Variants in GRIK1 observed in about 807,000 individuals in gnomAD.
GRIK1 encodes the protein glutamate ionotropic receptor kainate type subunit 1.
In GRIK1, 69 loss-of-function variants were observed where a neutral mutation model predicts 105.7. The ratio of observed to expected loss-of-function variants is 0.65; its 90% CI spans 0.54 to 0.80. GRIK1 has a LOEUF of 0.80. GRIK1 is among the 30% of genes least tolerant of loss of function. GRIK1 has a pLI of 0.00. For synonymous variants in GRIK1, 438 were observed against 431.3 expected (o/e 1.02, Z -0.19); for missense variants, 1,109 against 1,167.3 (o/e 0.95, Z 0.73).
rs184769981 is a variant in GRIK1, at chr21:29,701,270, G to A, written c.119-7207C>T. 2.6e-5 allele frequency among the ~76,000 whole-genome samples: 4 copies of A among 152,308 alleles called. No individual in the cohort carries two copies. In the East Asian group the frequency reaches 7.7e-4, roughly 29 times the overall value. Reference sequence around the variant, plus strand: ...AAGGGGAATTGGTCATGAACAGGAAGACAGGCATTGACATGTCAGAGTGAG... The same window carrying A: ...AAGGGGAATTGGTCATGAACAGGAAAACAGGCATTGACATGTCAGAGTGAG... On this transcript the variant is annotated intron_variant, in intron 1 of 17. Transcript: ENST00000327783.
chr21:29,878,860 A>G (rs1433297211), intron 1 of GRIK1, among the ~76,000 whole-genome samples: 2 of 152,086 alleles, frequency 1.3e-5, no homozygotes. Context: ...TATTGTTTAT[A>G]AGTCACCGAT....
Position 29,555,424 on chromosome 21 carries a change from T to C in GRIK1, c.2357-122A>G, listed in dbSNP as rs1601096422. 1.9e-5 allele frequency: 17 copies of C among 874,242 alleles called. No individual in the cohort carries two copies. In the Admixed American group the frequency reaches 2.9e-4, roughly 15 times the overall value. The allele number at this position is 874,242 out of a possible 1,614,324, so 54.2% of individuals were successfully genotyped here. The stretch of plus-strand genomic sequence containing the variant: ...CTGTTGTGAGACCCCAATCCACAAA[T>C]TGACTTGCAAAGGACAGGAAAGTTC... On this transcript the variant is annotated intron_variant, in intron 15 of 17. Transcript: ENST00000327783.
chr21:29,819,306 C>T (rs1000565502), intron 1 of GRIK1, among the ~76,000 whole-genome samples: 13 of 152,052 alleles, frequency 8.5e-5, no homozygotes, highest in Non-Finnish European at 1.9e-4. Flanking sequence ...TGCATAAAGG[C>T]TGGCTGCTTA....
chr21:29,738,090 G>C (rs1222120240), intron 1 of GRIK1, among the ~76,000 whole-genome samples: 1 of 152,226 alleles, frequency 6.6e-6, no homozygotes, highest in Non-Finnish European at 1.5e-5. Flanking sequence ...AGTCTACAAA[G>C]GCAGGTCAGG....
intron 1 of GRIK1, among the ~76,000 whole-genome samples, chr21:29,859,553 G>A (rs981060568): frequency 6.6e-6 from 1 of 152,138 alleles, no homozygotes; most frequent in Admixed American, 6.5e-5. Flanking sequence ...GAATGTAGGG[G>A]GCACTCCCGT....
rs150155181 is a variant in GRIK1 at position 29,701,054 on chromosome 21, G to A, written c.119-6991C>T. Among the ~76,000 whole-genome samples the A allele has an allele frequency of 5.7e-3, 863 of 152,226 alleles. 11 individuals carry two copies. The highest frequency in any genetic ancestry group is 0.02 in the African/African-American group (832 of 41,530). On this transcript the variant is annotated intron_variant, in intron 1 of 17. Coordinates refer to ENST00000327783, the MANE Select transcript of GRIK1 (RefSeq NM_001330994.2). ...TAAAATCCACCTATATTTAGTTGTTGTTGTTGTTCTACTTCAATTCATGGT... is the reference window on the plus strand; with the variant it reads ...TAAAATCCACCTATATTTAGTTGTTATTGTTGTTCTACTTCAATTCATGGT...
chr21:29,676,318 T>G (rs1309495766), intron 3 of GRIK1, among the ~76,000 whole-genome samples: 2 of 151,822 alleles, frequency 1.3e-5, no homozygotes, highest in Non-Finnish European at 2.9e-5. Flanking sequence ...AGGGAGGGAG[T>G]GAGTTTTTTA....
chr21:29,765,637 A>G (rs1416236131), intron 1 of GRIK1, among the ~76,000 whole-genome samples: 1 of 152,064 alleles, frequency 6.6e-6, no homozygotes, highest in Non-Finnish European at 1.5e-5. Context: ...CTGAACCACC[A>G]TATGCCAGGG....
chr21:29,806,853 A>G (rs2066876342), intron 1 of GRIK1, among the ~76,000 whole-genome samples: 1 of 152,184 alleles, frequency 6.6e-6, no homozygotes, highest in Non-Finnish European at 1.5e-5. Flanking sequence ...AGTTTTGTCT[A>G]TTCTTAGTTA....
intron 17 of GRIK1, chr21:29,537,588 G>C (rs2089900836): frequency 1.5e-6 from 1 of 670,948 alleles, no homozygotes; most frequent in Admixed American, 2.6e-5. Flanking sequence ...CAAGTTAGCT[G>C]GGCAAACTTT....
chr21:29,882,098 C>T lies in GRIK1; in HGVS notation c.118+57285G>A, dbSNP rs1445810940. Among the ~76,000 whole-genome samples, 3 of 151,946 alleles carry T rather than the reference C, an allele frequency of 2.0e-5. No homozygotes were observed. In the East Asian group the frequency reaches 5.8e-4, roughly 29 times the overall value. ...AACAGAGACAAATTAAACAAACAAA[C>T]AAACAACAGTAACAATAAATAATGA... On this transcript the variant is annotated intron_variant, in intron 1 of 17. Coordinates refer to ENST00000327783, the MANE Select transcript of GRIK1 (RefSeq NM_001330994.2).
chr21:29,573,319 A>G (rs1313061926), intron 14 of GRIK1, among the ~76,000 whole-genome samples: 2 of 152,230 alleles, frequency 1.3e-5, no homozygotes, highest in Non-Finnish European at 2.9e-5. Context: ...TGAACATAGC[A>G]TGTACCTGTT....
At chr21:29,547,099 C>T (rs2090061994) in intron 16 of GRIK1, among the ~76,000 whole-genome samples, 3 of 152,152 alleles carry the variant, frequency 2.0e-5, no homozygotes, top group South Asian at 2.1e-4. Context: ...TTCCTAGGTA[C>T]GTATCTCTTT....
intron 1 of GRIK1, chr21:29,761,275 C>CCCAGG (rs2065510238): frequency 6.6e-6 from 1 of 152,280 alleles, no homozygotes; most frequent in Admixed American, 6.5e-5. Flanking sequence ...CTGATGTGGA[C>CCCAGG]TTCCAGCTCA....
At chr21:29,715,668 T>C (rs1373557812) in intron 1 of GRIK1, among the ~76,000 whole-genome samples, 1 of 149,340 alleles carries the variant, frequency 6.7e-6, no homozygotes, top group Admixed American at 6.8e-5. Context: ...TTCTCATCAA[T>C]GTATGTTGGA....
Position 29,689,712 on chromosome 21 carries a change from T to C in GRIK1, c.544+16A>G, listed in dbSNP as rs755326535. ...GAGCAGACATGGTCGGGTGAGGTCT[T>C]GTGTGAGTCCCATACCTGTGCTGTC... is the stretch of plus-strand genomic sequence containing the variant. On this transcript the variant is annotated intron_variant, in intron 3 of 17. Coordinates refer to ENST00000327783, the MANE Select transcript of GRIK1 (RefSeq NM_001330994.2). 2 of 1,612,184 alleles carry C rather than the reference T, an allele frequency of 1.2e-6. No individual in the cohort carries two copies. The highest frequency in any genetic ancestry group is 1.1e-5 in the South Asian group (1 of 91,038).
chr21:29,881,948 T>A (rs1162876524), intron 1 of GRIK1, among the ~76,000 whole-genome samples: 1 of 152,136 alleles, frequency 6.6e-6, no homozygotes, highest in Non-Finnish European at 1.5e-5. Flanking sequence ...TTCTATTCAC[T>A]ATGCTCGGAG....
intron 14 of GRIK1, among the ~76,000 whole-genome samples, chr21:29,562,856 A>G (rs753400039): frequency 5.3e-5 from 7 of 133,154 alleles, no homozygotes; most frequent in Non-Finnish European, 7.9e-5. Context: ...ATATATGCAC[A>G]TATACATATG....
At chr21:29,543,447 A>C (rs2090002126) in intron 16 of GRIK1, among the ~76,000 whole-genome samples, 1 of 152,160 alleles carries the variant, frequency 6.6e-6, no homozygotes, top group South Asian at 2.1e-4. Context: ...AGGCAGGTGG[A>C]AGGAGATTTT....
Sources: allele counts gnomAD v4.1 joint callset (sites outside exome capture counted in the v4.1 genomes callset), GRCh38; gene constraint gnomAD v4.1.1; transcripts MANE v1.5; gene names NCBI Gene and HGNC (gene_info 2026-07-23, HGNC 2026-07-21).